Variants in RCHY1 observed in about 807,000 individuals in gnomAD.
RCHY1 encodes RING finger and CHY zinc finger domain-containing protein 1.
Under a neutral mutation model 41.6 loss-of-function variants are expected in RCHY1, and 21 were observed. The observed-to-expected ratio is 0.51, with a 90% CI of 0.36 to 0.73. The LOEUF (loss-of-function observed/expected upper bound fraction) is 0.73, where lower values mean the gene tolerates loss of function less well. Ranked by LOEUF, RCHY1 falls within the 30% of genes least tolerant of loss-of-function variation. RCHY1 has a pLI of 0.00. For missense variants in RCHY1, 265 were observed against 325.3 expected, an observed-to-expected ratio of 0.81 and a Z score of 1.43; for synonymous variants, 79 against 102.9, an observed-to-expected ratio of 0.77 and a Z score of 1.41.
At chr4:75,511,978 C>T (rs1194201962) in intron 1 of RCHY1, among the ~76,000 whole-genome samples, 1 of 149,984 alleles carries the variant, frequency 6.7e-6, no homozygotes, top group Non-Finnish European at 1.5e-5. Flanking sequence ...GCATGAAATT[C>T]TCTAACCATT....
intron 1 of RCHY1, among the ~76,000 whole-genome samples, chr4:75,510,192 A>C (rs1289361151): frequency 6.6e-6 from 1 of 152,208 alleles, no homozygotes; most frequent in Non-Finnish European, 1.5e-5. Flanking sequence ...TTGTTCAGCT[A>C]TATCAGACAG....
intron 8 of RCHY1, 43 bp from the exon 9 acceptor site, chr4:75,482,709 A>C (rs1423021297): frequency 1.4e-6 from 2 of 1,447,874 alleles, no homozygotes; most frequent in Non-Finnish European, 1.9e-6. Flanking sequence ...AAACCTTATA[A>C]ATACAAGTAG....
At chr4:75,488,834 T>C (rs1722480314) in intron 8 of RCHY1, among the ~76,000 whole-genome samples, 1 of 152,080 alleles carries the variant, frequency 6.6e-6, no homozygotes, top group South Asian at 2.1e-4. Context: ...CCCAGCACTT[T>C]GGGAGACCGA....
At chr4:75,493,499 T>C (rs561855083) in intron 4 of RCHY1, among the ~76,000 whole-genome samples, 1 of 151,970 alleles carries the variant, frequency 6.6e-6, no homozygotes, top group Non-Finnish European at 1.5e-5. Flanking sequence ...TTGCTACTTA[T>C]ACTGTTCTGC....
intron 8 of RCHY1, among the ~76,000 whole-genome samples, chr4:75,484,664 C>T (rs879913134): frequency 6.6e-6 from 1 of 152,158 alleles, no homozygotes; most frequent in Middle Eastern, 3.2e-3. Context: ...TACCTTCTGG[C>T]TCTGCCTACA....
chr4:75,494,285 C>A, intron 3 of RCHY1, 106 bp from the exon 4 acceptor site: 1 of 745,406 alleles, frequency 1.3e-6, no homozygotes, highest in Non-Finnish European at 2.2e-6. Flanking sequence ...AAATTTCCAG[C>A]CACAATGGAG....
At position 75,494,179 on chromosome 4, in the gene RCHY1, C is replaced by A; in HGVS notation, c.327G>T (p.Arg109Ser). 6.4e-7 allele frequency: 1 copy of A among 1,558,266 alleles called. No homozygotes were observed. The highest frequency in any genetic ancestry group is 8.7e-7 in the Non-Finnish European group (1 of 1,153,926). ...GGAAAAAATCTTCCTTTGGACCAAT[C>A]CTAGCAAAACACATGAAAGCCAAAA... ...QYHCENCGIC[R>S]IGPKEDFFHC... is the part of the protein sequence containing the mutation. The change falls in exon 4 of 9, where the codon AGG (arginine) becomes AGT (serine). Residue 109 changes from arginine (R) to serine (S), a missense_variant and splice_region_variant. Transcript: ENST00000324439.
At chr4:75,491,103 T>C (rs1231350757) in intron 7 of RCHY1, 1 of 158,762 alleles carries the variant, frequency 6.3e-6, no homozygotes, top group East Asian at 1.8e-4. Flanking sequence ...AAAAGAATGC[T>C]CTCTCTAGCT....
chr4:75,487,435 C>CTA (rs1322227241), intron 8 of RCHY1, among the ~76,000 whole-genome samples: 1 of 138,254 alleles, frequency 7.2e-6, no homozygotes, highest in Non-Finnish European at 1.5e-5. Flanking sequence ...ATATAAATGA[C>CTA]TATATATAAA....
Position 75,514,210 on chromosome 4 carries a change from C to A in RCHY1, c.77G>T (p.Gly26Val). 1 of 1,612,336 alleles carries A rather than the reference C, an allele frequency of 6.2e-7. No individual in the cohort carries two copies. The highest frequency in any genetic ancestry group is 1.1e-5 in the South Asian group (1 of 91,054). Reference sequence around the variant, plus strand: ...AGAAGGCGTCACCTTTAGGAGACATCCTCTGTCATAGTGCTCGCAGCCCCG... The same window carrying A: ...AGAAGGCGTCACCTTTAGGAGACATACTCTGTCATAGTGCTCGCAGCCCCG... Reference protein sequence around the residue: ...GQRGCEHYDRGCLLKAPCCDK... With the variant: ...GQRGCEHYDRVCLLKAPCCDK... The change falls in exon 1 of 9, where the codon GGA becomes GTA. Residue 26 changes from glycine (G) to valine (V), a missense_variant. Gly to Val is a moderately radical substitution (Grantham distance 109, BLOSUM62 -3). Coordinates refer to ENST00000324439, the MANE Select transcript of RCHY1 (RefSeq NM_015436.4).
intron 3 of RCHY1, among the ~76,000 whole-genome samples, chr4:75,495,535 T>C (rs1008516618): frequency 2.0e-5 from 3 of 151,978 alleles, no homozygotes; most frequent in Admixed American, 6.6e-5. Context: ...CATTGTACCC[T>C]CAAGAGGAAA....
At chr4:75,492,512 T>C (rs984369029) in intron 4 of RCHY1, among the ~76,000 whole-genome samples, 1 of 151,964 alleles carries the variant, frequency 6.6e-6, no homozygotes, top group African/African-American at 2.4e-5. Flanking sequence ...AGAATTAAAC[T>C]GGAGCTCCAG....
intron 3 of RCHY1, among the ~76,000 whole-genome samples, chr4:75,508,187 G>A (rs556511201): frequency 2.6e-5 from 4 of 152,136 alleles, no homozygotes; most frequent in South Asian, 2.1e-4. Context: ...GACTGAACAC[G>A]GAACACCTTG....
At chr4:75,489,306 T>C (rs1389719850) in intron 8 of RCHY1, among the ~76,000 whole-genome samples, 2 of 152,186 alleles carry the variant, frequency 1.3e-5, no homozygotes, top group Non-Finnish European at 1.5e-5. Context: ...TTACATTCAA[T>C]TGTCATTTTG....
In RCHY1 at chr4:75,479,839, A is replaced by G. The variant is rs910550137; in HGVS notation, c.*2699T>C. 1 of 152,196 alleles carries G rather than the reference A, an allele frequency of 6.6e-6. No individual in the cohort carries two copies. The highest frequency in any genetic ancestry group is 2.4e-5 in the African/African-American group (1 of 41,462). 9.4% of individuals were successfully genotyped at this position (152,196 alleles called of 1,614,324 possible). A position where few individuals can be genotyped will look rare whatever the true frequency, so the allele number is the denominator to read the frequency against. ...CTTAAGATCTGTCTAAGTATTTAAC[A>G]TTCCTGTAAGCATTATAAAAAAGAA... On this transcript the variant is annotated 3_prime_UTR_variant, in exon 9 of 9. Coordinates refer to ENST00000324439, the MANE Select transcript of RCHY1 (RefSeq NM_015436.4).
At position 75,490,710 on chromosome 4, in the gene RCHY1, G is replaced by C. The variant is rs778302521; in HGVS notation, c.537-9C>G. On this transcript the variant is annotated splice_polypyrimidine_tract_variant and intron_variant, in intron 7 of 8. Transcript: ENST00000324439. ...ATGGACATCTGTAGCCTCTGAAAGA[G>C]ATAGAAAGGTTATTTTCCAAATATT... 1 of 1,591,528 alleles carries C rather than the reference G, an allele frequency of 6.3e-7. No homozygotes were observed. Among genetic ancestry groups the C allele is most frequent in the East Asian group, 2.2e-5 (1 of 44,548 alleles).
intron 3 of RCHY1, 181 bp from the exon 4 acceptor site, chr4:75,494,360 G>GT: frequency 1.9e-6 from 1 of 519,814 alleles, no homozygotes; most frequent in Non-Finnish European, 3.4e-6. Flanking sequence ...ACACAGAGTG[G>GT]TATCTACCCT....
rs760060750 is a variant in RCHY1 at position 75,494,155 on chromosome 4, G to GA, written c.350dup (p.His118ProfsTer6). The GA allele has an allele frequency of 2.1e-5, 33 of 1,565,150 alleles. No individual in the cohort carries two copies. The highest frequency in any genetic ancestry group is 4.2e-5 in the African/African-American group (3 of 70,798). On this transcript the variant is annotated frameshift_variant, in exon 4 of 9. Coordinates refer to ENST00000324439, the MANE Select transcript of RCHY1 (RefSeq NM_015436.4). LOFTEE classifies it high-confidence loss of function. ...GGCATAAGTTACATTTCAAACAATG[G>GA]AAAAAATCTTCCTTTGGACCAATCC...
intron 3 of RCHY1, among the ~76,000 whole-genome samples, chr4:75,500,427 C>A (rs1723643339): frequency 6.6e-6 from 1 of 152,134 alleles, no homozygotes; most frequent in Admixed American, 6.5e-5. Context: ...AAAATTAAGA[C>A]CAGATGTTTG....
Sources: allele counts gnomAD v4.1 joint callset (sites outside exome capture counted in the v4.1 genomes callset), GRCh38; gene constraint gnomAD v4.1.1; transcripts MANE v1.5; gene names NCBI Gene and HGNC (gene_info 2026-07-23, HGNC 2026-07-21).